Variants in LINGO2 observed in about 807,000 individuals in gnomAD.
The protein encoded by LINGO2 is leucine rich repeat and Ig domain containing 2.
In LINGO2, 14 loss-of-function variants were observed where a neutral mutation model predicts 30.6. The ratio of observed to expected loss-of-function variants is 0.46; its 90% CI spans 0.30 to 0.72. The LOEUF (loss-of-function observed/expected upper bound fraction) is 0.72, where lower values mean the gene tolerates loss of function less well. LINGO2 is among the 30% of genes least tolerant of loss of function. The pLI is 0.07. For synonymous variants in LINGO2, 317 were observed against 288.5 expected (o/e 1.10, Z -1.00); for missense variants, 729 against 751.7 (o/e 0.97, Z 0.35).
intron 4 of LINGO2, among the ~76,000 whole-genome samples, chr9:28,249,749 GAGTTATCATTCTTTT>G (rs1822128935): frequency 6.6e-6 from 1 of 152,082 alleles, no homozygotes; most frequent in Non-Finnish European, 1.5e-5. Context: ...AGGAAACAAT[GAGTTATCATTCTTTT>G]AGTCAGAAGT....
the LINGO2 span, among the ~76,000 whole-genome samples, chr9:29,165,167 C>T: frequency 6.6e-6 from 1 of 152,076 alleles, no homozygotes; most frequent in South Asian, 2.1e-4. Context: ...AATGGGAAAA[C>T]TTATATCTAT....
chr9:28,788,529 C>T, the LINGO2 span, among the ~76,000 whole-genome samples: 2 of 152,050 alleles, frequency 1.3e-5, no homozygotes, highest in South Asian at 2.1e-4. Context: ...ATTTTCATAC[C>T]GCTATAGAGA....
chr9:28,493,235 G>A (rs1472741733), intron 1 of LINGO2, among the ~76,000 whole-genome samples: 1 of 152,170 alleles, frequency 6.6e-6, no homozygotes, highest in African/African-American at 2.4e-5. Flanking sequence ...GTCCTAAAGG[G>A]AATCCCTTTG....
chr9:29,052,395 G>A, the LINGO2 span, among the ~76,000 whole-genome samples: 172 of 152,114 alleles, frequency 1.1e-3, 1 homozygote, highest in Admixed American at 3.9e-3. Flanking sequence ...TATAATAAAG[G>A]CCTTTTACAT....
intron 4 of LINGO2, among the ~76,000 whole-genome samples, chr9:28,208,220 G>A (rs1027150698): frequency 2.6e-5 from 4 of 151,766 alleles, no homozygotes; most frequent in Non-Finnish European, 5.9e-5. Context: ...TTGAATTTTC[G>A]TTTTGATTTA....
chr9:28,271,125 T>G (rs1320642659), intron 4 of LINGO2, among the ~76,000 whole-genome samples: 1 of 151,278 alleles, frequency 6.6e-6, no homozygotes, highest in Non-Finnish European at 1.5e-5. Context: ...TAGAGTTATT[T>G]CCCCCTTGCT....
the LINGO2 span, among the ~76,000 whole-genome samples, chr9:28,869,379 G>C: frequency 6.6e-6 from 1 of 151,990 alleles, no homozygotes; most frequent in African/African-American, 2.4e-5. Flanking sequence ...AAGAGACGAA[G>C]CCTGACTTCT....
chr9:28,785,866 C>G, the LINGO2 span, among the ~76,000 whole-genome samples: 2 of 151,664 alleles, frequency 1.3e-5, no homozygotes, highest in Non-Finnish European at 3.0e-5. Flanking sequence ...CTTCTGTAGA[C>G]CTACAGTTTG....
chr9:28,779,611 G>C, the LINGO2 span, among the ~76,000 whole-genome samples: 1 of 152,050 alleles, frequency 6.6e-6, no homozygotes, highest in Admixed American at 6.6e-5. Context: ...TTCATGGTTA[G>C]AGGAAAAGAG....
chr9:28,563,111 T>C (rs1213791430), intron 1 of LINGO2, among the ~76,000 whole-genome samples: 3 of 152,104 alleles, frequency 2.0e-5, no homozygotes, highest in African/African-American at 7.2e-5. Flanking sequence ...CCTCCCAAAG[T>C]GCTGGAATTA....
intron 1 of LINGO2, among the ~76,000 whole-genome samples, chr9:28,604,500 G>T (rs1825621306): frequency 6.6e-6 from 1 of 151,912 alleles, no homozygotes; most frequent in African/African-American, 2.4e-5. Flanking sequence ...ATAATCATGT[G>T]TTTTTCAGTA....
At chr9:28,238,209 T>G (rs1038698569) in intron 4 of LINGO2, among the ~76,000 whole-genome samples, 9 of 151,990 alleles carry the variant, frequency 5.9e-5, no homozygotes, top group Non-Finnish European at 1.3e-4. Flanking sequence ...ACACCCCACT[T>G]TAAACATTGG....
At chr9:29,005,175 G>C in the LINGO2 span, among the ~76,000 whole-genome samples, 1 of 151,946 alleles carries the variant, frequency 6.6e-6, no homozygotes, top group African/African-American at 2.4e-5. Context: ...ATGTGTCAAA[G>C]CACTATATGC....
chr9:29,027,115 G>A, the LINGO2 span, among the ~76,000 whole-genome samples: 1,008 of 152,086 alleles, frequency 6.6e-3, 15 homozygotes, highest in African/African-American at 0.023. Context: ...TATAGAAAAT[G>A]GGTAAAAAAA....
the LINGO2 span, among the ~76,000 whole-genome samples, chr9:28,722,679 G>T: frequency 1.3e-5 from 2 of 152,082 alleles, no homozygotes; most frequent in Admixed American, 6.6e-5. Context: ...TTATTTCTCT[G>T]TCTTTTGAAG....
the LINGO2 span, among the ~76,000 whole-genome samples, chr9:28,935,711 A>AG: frequency 6.6e-6 from 1 of 151,618 alleles, no homozygotes; most frequent in African/African-American, 2.4e-5. Flanking sequence ...TTTTAAAAAA[A>AG]CAAATCTGCA....
the LINGO2 span, among the ~76,000 whole-genome samples, chr9:28,976,420 T>A: frequency 6.6e-6 from 1 of 152,180 alleles, no homozygotes; most frequent in African/African-American, 2.4e-5. Flanking sequence ...ATCTAAAATC[T>A]GTACTATGGG....
chr9:28,540,840 A>G (rs1399135187), intron 1 of LINGO2, among the ~76,000 whole-genome samples: 1 of 152,182 alleles, frequency 6.6e-6, no homozygotes, highest in Non-Finnish European at 1.5e-5. Context: ...ACAATGTCAT[A>G]AGCTGTAGTC....
At chr9:28,911,014 A>T in the LINGO2 span, among the ~76,000 whole-genome samples, 1 of 152,052 alleles carries the variant, frequency 6.6e-6, no homozygotes, top group Non-Finnish European at 1.5e-5. Context: ...GGAAGAAATT[A>T]AGTCTGTTTT....
Sources: gnomAD v4.1 joint callset for allele counts (sites outside exome capture counted in the v4.1 genomes callset) on GRCh38, gnomAD v4.1.1 for gene constraint, MANE v1.5 for transcripts, NCBI Gene and HGNC (gene_info 2026-07-23, HGNC 2026-07-21) for gene names.